Variants in CEP112 observed in about 807,000 individuals in gnomAD.
CEP112 encodes centrosomal protein of 112 kDa.
CEP112 carries 127 observed loss-of-function variants against 153.0 expected under a neutral mutation model. The ratio of observed to expected loss-of-function variants is 0.83; its 90% CI spans 0.72 to 0.96. CEP112 has a LOEUF of 0.96. CEP112 is among the 40% of genes least tolerant of loss of function. The pLI, the probability that CEP112 is intolerant of heterozygous loss-of-function variation, is 0.00. For missense variants in CEP112, 1,089 were observed against 1,101.2 expected (o/e 0.99, Z 0.16); for synonymous variants, 358 against 374.4 (o/e 0.96, Z 0.51).
intron 5 of CEP112, among the ~76,000 whole-genome samples, chr17:66,132,086 T>G (rs1460836067): frequency 7.4e-6 from 1 of 135,172 alleles, no homozygotes; most frequent in Non-Finnish European, 1.6e-5. Context: ...GGAGAATGGC[T>G]TGAACCCGGG....
intron 21 of CEP112, among the ~76,000 whole-genome samples, chr17:65,818,259 T>TAGGC (rs950318305): frequency 6.6e-6 from 1 of 151,890 alleles, no homozygotes; most frequent in Non-Finnish European, 1.5e-5. Context: ...TTTCCTCAGG[T>TAGGC]AGGCAGCCCT....
intron 22 of CEP112, among the ~76,000 whole-genome samples, chr17:65,749,114 T>C (rs2051648872): frequency 1.3e-5 from 2 of 152,322 alleles, no homozygotes; most frequent in Middle Eastern, 3.4e-3. Context: ...GCTGGAATAA[T>C]GGCAATCAAG....
chr17:65,677,597 C>T (rs776377368), intron 24 of CEP112, among the ~76,000 whole-genome samples: 2 of 152,124 alleles, frequency 1.3e-5, no homozygotes, highest in African/African-American at 4.8e-5. Flanking sequence ...TTTAAACTGA[C>T]GTACATCTGG....
At chr17:65,986,617 T>A (rs9303500) in intron 17 of CEP112, among the ~76,000 whole-genome samples, 88,963 of 151,972 alleles carry the variant, frequency 0.59, 27,425 homozygotes, top group African/African-American at 0.72. Context: ...AGGAATATAC[T>A]TGGACACAAA....
At chr17:66,120,193 G>C (rs2069507199) in intron 6 of CEP112, among the ~76,000 whole-genome samples, 1 of 151,920 alleles carries the variant, frequency 6.6e-6, no homozygotes, top group Non-Finnish European at 1.5e-5. Flanking sequence ...AATTTTCTTT[G>C]TTGGGAGGTT....
At chr17:65,918,350 CT>C (rs2060573385) in intron 19 of CEP112, among the ~76,000 whole-genome samples, 1 of 152,120 alleles carries the variant, frequency 6.6e-6, no homozygotes, top group Non-Finnish European at 1.5e-5. Flanking sequence ...ACTTGCTTAT[CT>C]TGCAGAATTT....
At chr17:65,917,703 C>G (rs1389422849) in intron 19 of CEP112, among the ~76,000 whole-genome samples, 3 of 152,048 alleles carry the variant, frequency 2.0e-5, no homozygotes, top group Admixed American at 6.5e-5. Flanking sequence ...CCCTTCTTTT[C>G]TCACGAGGCA....
At chr17:66,010,059 A>C (rs12937744) in intron 16 of CEP112, among the ~76,000 whole-genome samples, 62,469 of 151,966 alleles carry the variant, frequency 0.41, 14,304 homozygotes, top group East Asian at 0.87. Context: ...GGGAGTATGG[A>C]CATTTTAACA....
intron 17 of CEP112, among the ~76,000 whole-genome samples, chr17:65,969,840 C>G (rs199498149): frequency 6.8e-6 from 1 of 146,680 alleles, no homozygotes; most frequent in Admixed American, 7.0e-5. Context: ...AGCATATCAT[C>G]TATATATAGC....
At chr17:65,889,018 C>T (rs558554830) in intron 20 of CEP112, among the ~76,000 whole-genome samples, 5 of 152,072 alleles carry the variant, frequency 3.3e-5, no homozygotes, top group African/African-American at 7.2e-5. Flanking sequence ...CTAGGTGAGG[C>T]GTGAAGGCTT....
At chr17:65,950,699 C>CTATTATTAGTAGTAG (rs57598697) in intron 18 of CEP112, among the ~76,000 whole-genome samples, 13 of 147,134 alleles carry the variant, frequency 8.8e-5, no homozygotes, top group African/African-American at 3.0e-4. Context: ...GGATACATTA[C>CTATTATTAGTAGTAG]TAGTAGTAGT....
intron 8 of CEP112, among the ~76,000 whole-genome samples, chr17:66,078,236 C>CT (rs373372694): frequency 6.8e-5 from 10 of 146,310 alleles, no homozygotes; most frequent in South Asian, 2.1e-4. Flanking sequence ...GCTTTTGTAT[C>CT]TTTTTTTTTT....
intron 16 of CEP112, 99 bp from the exon 17 acceptor site, chr17:66,005,868 A>C (rs2064251860): frequency 9.7e-7 from 1 of 1,026,010 alleles, no homozygotes; most frequent in African/African-American, 1.6e-5. Flanking sequence ...ATCCATTTTT[A>C]ATATAAAATT....
chr17:65,864,411 C>T (rs1307586021), intron 20 of CEP112, among the ~76,000 whole-genome samples: 1 of 152,158 alleles, frequency 6.6e-6, no homozygotes, highest in Non-Finnish European at 1.5e-5. Context: ...GCAGTCCAAG[C>T]TCCTGACTTC....
At chr17:66,164,914 G>GTGTGTC (rs1329640321) in intron 4 of CEP112, among the ~76,000 whole-genome samples, 5 of 143,268 alleles carry the variant, frequency 3.5e-5, no homozygotes, top group African/African-American at 1.0e-4. Context: ...GTGTGTGTGT[G>GTGTGTC]TGTGTGTATA....
chr17:66,158,409 G>A (rs754524652), intron 4 of CEP112, among the ~76,000 whole-genome samples: 9 of 152,064 alleles, frequency 5.9e-5, no homozygotes, highest in East Asian at 1.9e-4. Context: ...TCAGGAGATC[G>A]AGATCATCCT....
At chr17:66,055,515 T>A (rs1047748601) in intron 11 of CEP112, among the ~76,000 whole-genome samples, 2 of 152,194 alleles carry the variant, frequency 1.3e-5, no homozygotes, top group Admixed American at 6.5e-5. Flanking sequence ...GTAACTCAGA[T>A]AATGGGCTCT....
chr17:65,881,642 T>A (rs192253664), intron 20 of CEP112, among the ~76,000 whole-genome samples: 15 of 152,322 alleles, frequency 9.8e-5, no homozygotes, highest in Admixed American at 4.6e-4. Flanking sequence ...AAGTGATGGC[T>A]CTGTGGTACA....
chr17:66,035,138 C>T (rs1228119219), intron 12 of CEP112, among the ~76,000 whole-genome samples: 2 of 150,956 alleles, frequency 1.3e-5, no homozygotes, highest in South Asian at 2.1e-4. Flanking sequence ...CCACGCCCAG[C>T]CTGAACTTGA....
Sources: gnomAD v4.1 joint callset for allele counts (sites outside exome capture counted in the v4.1 genomes callset) on GRCh38, gnomAD v4.1.1 for gene constraint, MANE v1.5 for transcripts, NCBI Gene and HGNC (gene_info 2026-07-23, HGNC 2026-07-21) for gene names.